Variants in SORCS1 observed in about 807,000 individuals in gnomAD.
SORCS1 encodes VPS10 domain-containing receptor SorCS1.
In SORCS1, 60 loss-of-function variants were observed where a neutral mutation model predicts 146.1. The observed-to-expected ratio is 0.41, with a 90% confidence interval of 0.33 to 0.51. The LOEUF (loss-of-function observed/expected upper bound fraction) is 0.51. Ranked by LOEUF, SORCS1 falls within the 20% of genes least tolerant of loss-of-function variation. SORCS1 has a pLI of 0.21. For synonymous variants in SORCS1, 637 were observed against 584.0 expected, an observed-to-expected ratio of 1.09 and a Z score of -1.31; for missense variants, 1,352 against 1,487.6, an observed-to-expected ratio of 0.91 and a Z score of 1.50.
At chr10:106,907,703 G>C (rs1436584998) in intron 2 of SORCS1, among the ~76,000 whole-genome samples, 1 of 152,024 alleles carries the variant, frequency 6.6e-6, no homozygotes, top group Non-Finnish European at 1.5e-5. Flanking sequence ...GAGGAGGGTG[G>C]ATCACCTGAA....
chr10:107,086,954 G>A (rs528096344), intron 1 of SORCS1, among the ~76,000 whole-genome samples: 152 of 152,310 alleles, frequency 1.0e-3, no homozygotes, highest in African/African-American at 3.5e-3. Context: ...GTGTGAACCT[G>A]GGAGGCGGAG....
intron 1 of SORCS1, among the ~76,000 whole-genome samples, chr10:107,113,623 G>T (rs1348315726): frequency 1.3e-5 from 2 of 150,462 alleles, no homozygotes; most frequent in Admixed American, 1.3e-4. Context: ...CCGGGAGGCG[G>T]AGGTTGCAGT....
chr10:106,724,567 T>C (rs554055053), intron 6 of SORCS1, among the ~76,000 whole-genome samples: 1 of 152,120 alleles, frequency 6.6e-6, no homozygotes, highest in African/African-American at 2.4e-5. Context: ...ATAATTCTTT[T>C]TTCTCATGTA....
chr10:106,910,502 A>G (rs149316562), intron 2 of SORCS1, among the ~76,000 whole-genome samples: 2 of 152,296 alleles, frequency 1.3e-5, no homozygotes, highest in East Asian at 1.9e-4. Context: ...GGGTCATACA[A>G]GAGGTCTCAT....
intron 24 of SORCS1, among the ~76,000 whole-genome samples, chr10:106,583,229 T>A (rs902098018): frequency 9.9e-5 from 15 of 152,204 alleles, no homozygotes; most frequent in African/African-American, 3.6e-4. Flanking sequence ...GAAAGTGTAT[T>A]CTTCTACAGA....
At chr10:107,035,275 AC>A (rs147173223) in intron 1 of SORCS1, among the ~76,000 whole-genome samples, 60,457 of 133,408 alleles carry the variant, frequency 0.45, 14,697 homozygotes, top group East Asian at 0.62. Context: ...AAAAAAAAAA[AC>A]AACAAAAAAA....
At chr10:106,617,544 T>A (rs574376775) in intron 21 of SORCS1, among the ~76,000 whole-genome samples, 1 of 152,314 alleles carries the variant, frequency 6.6e-6, no homozygotes, top group Non-Finnish European at 1.5e-5. Context: ...GACTCCATCT[T>A]TTCATTTCAG....
At chr10:107,070,179 A>T (rs1962293304) in intron 1 of SORCS1, among the ~76,000 whole-genome samples, 1 of 152,208 alleles carries the variant, frequency 6.6e-6, no homozygotes, top group African/African-American at 2.4e-5. Context: ...TGGCTGAGTA[A>T]TATCCCATTA....
At chr10:106,878,619 A>AATATATATATATATATATATAT (rs1692238737) in intron 2 of SORCS1, among the ~76,000 whole-genome samples, 1 of 34,950 alleles carries the variant, frequency 2.9e-5, no homozygotes, top group African/African-American at 1.0e-4. Context: ...TAAACTACCT[A>AATATATATATATATATATATAT]GTATATATAT....
intron 1 of SORCS1, among the ~76,000 whole-genome samples, chr10:107,039,331 A>G (rs1959060942): frequency 7.9e-6 from 1 of 127,010 alleles, no homozygotes; most frequent in Admixed American, 8.5e-5. Flanking sequence ...TCTCAAATAA[A>G]GAAAAAAAAA....
chr10:107,064,712 T>C (rs1017762253), intron 1 of SORCS1, among the ~76,000 whole-genome samples: 2 of 152,210 alleles, frequency 1.3e-5, no homozygotes, highest in African/African-American at 4.8e-5. Flanking sequence ...TAAACTGTGT[T>C]ATATATTTGT....
At chr10:107,094,542 C>T (rs138831332) in intron 1 of SORCS1, among the ~76,000 whole-genome samples, 1,526 of 152,194 alleles carry the variant, frequency 0.01, 19 homozygotes, top group Non-Finnish European at 0.01. Flanking sequence ...AAATTATTCA[C>T]CTATGACTTT....
At chr10:106,809,159 T>G (rs1947333718) in intron 3 of SORCS1, among the ~76,000 whole-genome samples, 1 of 151,908 alleles carries the variant, frequency 6.6e-6, no homozygotes, top group South Asian at 2.1e-4. Flanking sequence ...TTTGTTTTTG[T>G]TTTTGTGGTT....
intron 1 of SORCS1, among the ~76,000 whole-genome samples, chr10:107,018,707 C>A (rs1016144321): frequency 1.3e-5 from 2 of 151,788 alleles, no homozygotes; most frequent in African/African-American, 4.8e-5. Flanking sequence ...TCCTCTCCAA[C>A]AGCAGGCAGC....
chr10:106,906,901 C>G lies in SORCS1; in HGVS notation c.626+49612G>C, dbSNP rs547534633. 1.8e-4 allele frequency among the ~76,000 whole-genome samples: 28 copies of G among 152,242 alleles called. No individual in the cohort carries two copies. The South Asian group carries it at 5.8e-3, about 32-fold the overall frequency. On this transcript the variant is annotated intron_variant, in intron 2 of 25. Transcript: ENST00000263054. Reference sequence around the variant, plus strand: ...TGAGTACTTGGTTGAGGAAATGTGCCATGGACTAAGTTGCTGTAATATCAA... The same window carrying G: ...TGAGTACTTGGTTGAGGAAATGTGCGATGGACTAAGTTGCTGTAATATCAA...
At position 106,631,369 on chromosome 10, in the gene SORCS1, G is replaced by A. The variant is rs765171544; in HGVS notation, c.2476-1981C>T. Among the ~76,000 whole-genome samples, 8 of 152,292 alleles carry A rather than the reference G, an allele frequency of 5.3e-5. No individual in the cohort carries two copies. The East Asian group carries it at 5.8e-4, about 11-fold the overall frequency. ...ATAAATGTCAACTATTCTTGCTGAC[G>A]TGTCCTTCATTTAAACAACCAAAGT... On this transcript the variant is annotated intron_variant, in intron 18 of 25. Coordinates refer to ENST00000263054, the MANE Select transcript of SORCS1 (RefSeq NM_052918.5).
chr10:106,607,401 A>C, intron 22 of SORCS1, 104 bp from the exon 23 acceptor site: 3 of 1,462,244 alleles, frequency 2.1e-6, no homozygotes, highest in Non-Finnish European at 2.7e-6. Flanking sequence ...AGACACCACA[A>C]GGGGCCTGAA....
At chr10:106,805,630 C>A (rs1158604960) in intron 3 of SORCS1, among the ~76,000 whole-genome samples, 4 of 152,156 alleles carry the variant, frequency 2.6e-5, no homozygotes. Context: ...GACTCACTTG[C>A]CATCTATAGC....
chr10:106,679,539 C>T, intron 11 of SORCS1, 93 bp downstream of exon 11: 1 of 1,187,732 alleles, frequency 8.4e-7, no homozygotes, highest in South Asian at 1.4e-5. Flanking sequence ...GTACAGATAT[C>T]TAGCTTCTTA....
Sources: gnomAD v4.1 joint callset for allele counts (sites outside exome capture counted in the v4.1 genomes callset) on GRCh38, gnomAD v4.1.1 for gene constraint, MANE v1.5 for transcripts, NCBI Gene and HGNC (gene_info 2026-07-23, HGNC 2026-07-21) for gene names.